The following CRACR2A variants were observed in gnomAD, a reference collection of about 807,000 sequenced individuals.
CRACR2A encodes calcium release activated channel regulator 2A.
In CRACR2A, 79 loss-of-function variants were observed where a neutral mutation model predicts 90.5. The ratio of observed to expected loss-of-function variants is 0.87; its 90% CI spans 0.73 to 1.05. The LOEUF (loss-of-function observed/expected upper bound fraction) is 1.05, where lower values mean the gene tolerates loss of function less well. Among genes scored for constraint, CRACR2A ranks in the 50% least tolerant of loss-of-function variants. The probability of loss-of-function intolerance (pLI) is 0.00; values close to 1 mark genes in which losing one functional copy is unlikely to be tolerated. For synonymous variants in CRACR2A, 338 were observed against 356.7 expected (o/e 0.95, Z 0.59); for missense variants, 823 against 897.2 (o/e 0.92, Z 1.06).
At chr12:3,686,530 C>A (rs1235534179) in intron 4 of CRACR2A, among the ~76,000 whole-genome samples, 1 of 152,154 alleles carries the variant, frequency 6.6e-6, no homozygotes, top group Non-Finnish European at 1.5e-5. Flanking sequence ...GGAAACAGGG[C>A]TTTTGAGGCT....
At chr12:3,677,877 C>T (rs1015644612) in intron 6 of CRACR2A, among the ~76,000 whole-genome samples, 7 of 152,210 alleles carry the variant, frequency 4.6e-5, no homozygotes, top group African/African-American at 7.2e-5. Flanking sequence ...AACACACTTT[C>T]GCCAGCCTTT....
At chr12:3,641,541 C>T (rs1251434098) in intron 13 of CRACR2A, among the ~76,000 whole-genome samples, 191 bp downstream of exon 13, 1 of 152,164 alleles carries the variant, frequency 6.6e-6, no homozygotes, top group Non-Finnish European at 1.5e-5. Context: ...GGGGTTTGCT[C>T]TGCACATTCC....
chr12:3,683,976 G>T (rs1473236193), intron 4 of CRACR2A, among the ~76,000 whole-genome samples: 1 of 152,142 alleles, frequency 6.6e-6, no homozygotes, highest in African/African-American at 2.4e-5. Flanking sequence ...ATCTACAGCA[G>T]CAGTACTGAG....
chr12:3,675,940 T>C (rs958684060), intron 6 of CRACR2A, among the ~76,000 whole-genome samples: 1 of 152,186 alleles, frequency 6.6e-6, no homozygotes, highest in South Asian at 2.1e-4. Context: ...CATGACTCTC[T>C]GCACCCAGCA....
intron 14 of CRACR2A, 27 bp downstream of exon 14, chr12:3,638,097 A>G: frequency 6.6e-7 from 1 of 1,513,482 alleles, no homozygotes; most frequent in East Asian, 2.5e-5. Flanking sequence ...AGTGATGTGC[A>G]TGAACCAAGG....
At chr12:3,720,225 AAAAGAAAGAAAG>A (rs757788405) in intron 2 of CRACR2A, among the ~76,000 whole-genome samples, 12 of 125,570 alleles carry the variant, frequency 9.6e-5, no homozygotes, top group Non-Finnish European at 1.3e-4. Context: ...AGAAGAAAGA[AAAAGAAAGAAAG>A]AAAGAAAGAA....
chr12:3,652,909 G>A (rs1298386840), intron 10 of CRACR2A, among the ~76,000 whole-genome samples: 1 of 152,190 alleles, frequency 6.6e-6, no homozygotes, highest in African/African-American at 2.4e-5. Context: ...CTAACTCTTA[G>A]CATCTTGGGA....
At chr12:3,731,884 T>C (rs946999294) in intron 2 of CRACR2A, 1 of 152,268 alleles carries the variant, frequency 6.6e-6, no homozygotes, top group East Asian at 1.9e-4. Flanking sequence ...GGCCGGCAAA[T>C]CGTCAGAAGC....
intron 4 of CRACR2A, among the ~76,000 whole-genome samples, chr12:3,687,290 CCA>C (rs948361328): frequency 2.0e-5 from 3 of 151,646 alleles, no homozygotes; most frequent in Non-Finnish European, 4.4e-5. Context: ...ATTTCATCAC[CCA>C]GGTATTAAGA....
At chr12:3,629,686 G>A (rs1163150800) in intron 15 of CRACR2A, among the ~76,000 whole-genome samples, 1 of 152,186 alleles carries the variant, frequency 6.6e-6, no homozygotes, top group Non-Finnish European at 1.5e-5. Flanking sequence ...AGTGAGATGG[G>A]CAAAAGAGTG....
rs1417602382 is a variant in CRACR2A, at chr12:3,633,713, A to G, written c.1626T>C (p.Pro542=). 6.4e-7 allele frequency: 1 copy of G among 1,551,776 alleles called. No individual in the cohort carries two copies. Among genetic ancestry groups the G allele is most frequent in the Non-Finnish European group, 8.7e-7 (1 of 1,147,008 alleles). Residue 542 remains proline (P), a synonymous_variant, in exon 15 of 20, where the codon CCT becomes CCC. Transcript: ENST00000440314. This position sits in a 1 kb window ranked among gnomAD's most constrained non-coding sequence, Gnocchi z 4.5. ...CGAACACAATCTTGAAGAGCCGGTCAGGGGCAGAGGGAGAGCTTTCCTCCT... is the reference window on the plus strand; with the variant it reads ...CGAACACAATCTTGAAGAGCCGGTCGGGGGCAGAGGGAGAGCTTTCCTCCT... ...LCKEESSPSA[P]DRLFKIVFVG... is the part of the protein sequence containing the mutation.
chr12:3,630,268 G>C (rs751115431), intron 15 of CRACR2A, among the ~76,000 whole-genome samples: 4 of 152,206 alleles, frequency 2.6e-5, no homozygotes, highest in Non-Finnish European at 5.9e-5. Flanking sequence ...CTGGCACCTT[G>C]AAAGGTGCTG....
chr12:3,667,296 C>T (rs1351532167), intron 7 of CRACR2A, among the ~76,000 whole-genome samples: 1 of 152,218 alleles, frequency 6.6e-6, no homozygotes, highest in Non-Finnish European at 1.5e-5. Context: ...ACTACGATGT[C>T]TGGCCCAGCA....
intron 7 of CRACR2A, among the ~76,000 whole-genome samples, chr12:3,661,360 C>T (rs1945032672): frequency 1.3e-5 from 2 of 152,158 alleles, no homozygotes; most frequent in South Asian, 4.1e-4. Context: ...GCTGCAACCC[C>T]AAGACCAGAA....
rs1555121377 is a variant in CRACR2A, at chr12:3,733,973, A to ATTTTTCTTTT, written c.-386-764_-386-763insAAAAGAAAAA. ...TCCTAGACTGGACACATTTTGCCTT[A>ATTTTTCTTTT]TTTTTTTTTTTTTTTGAGATGGAGT... On this transcript the variant is annotated intron_variant, in intron 1 of 19. Transcript: ENST00000440314. Among the ~76,000 whole-genome samples the ATTTTTCTTTT allele has an allele frequency of 2.0e-5, 2 of 99,796 alleles. 1 individual carries two copies. Among genetic ancestry groups the ATTTTTCTTTT allele is most frequent in the Non-Finnish European group, 3.9e-5 (2 of 51,238 alleles). The allele number at this position is 99,796 out of a possible 152,430, so 65.5% of individuals were successfully genotyped here. A position where few individuals can be genotyped will look rare whatever the true frequency, so the allele number is the denominator to read the frequency against.
intron 2 of CRACR2A, among the ~76,000 whole-genome samples, chr12:3,722,756 G>GAAATT (rs1331827137): frequency 1.6e-4 from 25 of 152,112 alleles, no homozygotes; most frequent in African/African-American, 4.8e-5. Context: ...CTCATCCACT[G>GAAATT]GCTTTTTCAT....
At chr12:3,622,801 G>A (rs1278487383) in intron 17 of CRACR2A, among the ~76,000 whole-genome samples, 7 of 152,082 alleles carry the variant, frequency 4.6e-5, no homozygotes, top group African/African-American at 1.2e-4. Flanking sequence ...TTATATCTTG[G>A]GGGTTTCCAT....
chr12:3,663,472 T>C (rs1364714091), intron 7 of CRACR2A, among the ~76,000 whole-genome samples: 1 of 152,226 alleles, frequency 6.6e-6, no homozygotes, highest in East Asian at 1.9e-4. Context: ...TTCCATGACC[T>C]TACTCTTCTT....
intron 11 of CRACR2A, chr12:3,647,864 T>G: frequency 1.0e-6 from 1 of 985,430 alleles, no homozygotes. Flanking sequence ...CTTAGAAACT[T>G]CATGGGCAAC....
Sources: allele counts gnomAD v4.1 joint callset (sites outside exome capture counted in the v4.1 genomes callset), GRCh38; gene constraint gnomAD v4.1.1; non-coding constraint Gnocchi (gnomAD v3.1); transcripts MANE v1.5; gene names NCBI Gene and HGNC (gene_info 2026-07-23, HGNC 2026-07-21).